LZTS1: variants seen among roughly 807,000 people sequenced by gnomAD.
LZTS1 encodes leucine zipper putative tumor suppressor 1.
In LZTS1, 31 loss-of-function variants were observed where a neutral mutation model predicts 45.8. The ratio of observed to expected loss-of-function variants is 0.68; its 90% CI spans 0.51 to 0.91. The LOEUF (loss-of-function observed/expected upper bound fraction) is 0.91, where lower values mean the gene tolerates loss of function less well. Among genes scored for constraint, LZTS1 ranks in the 40% least tolerant of loss-of-function variants. The probability of loss-of-function intolerance (pLI) is 0.00; values close to 1 mark genes in which losing one functional copy is unlikely to be tolerated. For synonymous variants in LZTS1, 359 were observed against 357.3 expected (o/e 1.00, Z -0.05); for missense variants, 821 against 788.9 (o/e 1.04, Z -0.49).
intron 1 of LZTS1, among the ~76,000 whole-genome samples, chr8:20,292,765 T>C (rs76534683): frequency 6.6e-6 from 1 of 152,070 alleles, no homozygotes; most frequent in African/African-American, 2.4e-5. Context: ...TGCTGGCTCT[T>C]GAGTCCTCAT....
intron 1 of LZTS1, among the ~76,000 whole-genome samples, chr8:20,274,105 T>C (rs1346327315): frequency 2.6e-5 from 4 of 152,172 alleles, no homozygotes; most frequent in Non-Finnish European, 4.4e-5. Context: ...CCCTTCTGCG[T>C]GTTCTTACAG....
chr8:20,277,882 G>A (rs1186523076), intron 1 of LZTS1, among the ~76,000 whole-genome samples: 2 of 152,202 alleles, frequency 1.3e-5, no homozygotes, highest in Non-Finnish European at 2.9e-5. Context: ...CCTGGGACTG[G>A]AGGGAAGGCT....
intron 1 of LZTS1, among the ~76,000 whole-genome samples, chr8:20,295,791 A>T (rs533613678): frequency 6.6e-6 from 1 of 152,224 alleles, no homozygotes; most frequent in African/African-American, 2.4e-5. Flanking sequence ...GGGTGGGAAG[A>T]CACTCAGTAG....
In LZTS1 at chr8:20,253,593, G is replaced by C. The variant is rs1234259098; in HGVS notation, c.346-8C>G. 1.4e-6 allele frequency: 2 copies of C among 1,443,610 alleles called. No homozygotes were observed. Among genetic ancestry groups the C allele is most frequent in the South Asian group, 2.9e-5 (2 of 69,104 alleles). 89.4% of individuals were successfully genotyped at this position (1,443,610 alleles called of 1,614,324 possible). ...TGCACCCTTCTCGGAGCCCTGTAGA[G>C]GAAAAGGACCGCGGTGACTCATGCC... On this transcript the variant is annotated splice_polypyrimidine_tract_variant and splice_region_variant and intron_variant, in intron 2 of 3. Coordinates refer to ENST00000381569, the MANE Select transcript of LZTS1 (RefSeq NM_021020.5).
chr8:20,262,499 AC>A (rs1340248596), intron 1 of LZTS1, among the ~76,000 whole-genome samples: 2 of 152,106 alleles, frequency 1.3e-5, no homozygotes, highest in South Asian at 2.1e-4. Context: ...TGTGTCTACT[AC>A]TTTAGATGGA....
intron 1 of LZTS1, among the ~76,000 whole-genome samples, chr8:20,278,210 T>C (rs7006020): frequency 0.056 from 8,442 of 152,072 alleles, 791 homozygotes; most frequent in African/African-American, 0.19. Context: ...ATCTCAGCAG[T>C]TGGGTGTGTG....
chr8:20,282,018 C>T (rs540376784), intron 1 of LZTS1, among the ~76,000 whole-genome samples: 2 of 152,300 alleles, frequency 1.3e-5, no homozygotes, highest in East Asian at 1.9e-4. Context: ...TCCGTTCTCT[C>T]TGATGTTAGG....
Position 20,249,732 on chromosome 8 carries a change from G to A in LZTS1, c.1781C>T (p.Thr594Ile). 6.2e-7 allele frequency: 1 copy of A among 1,603,534 alleles called. No homozygotes were observed. The highest frequency in any genetic ancestry group is 8.5e-7 in the Non-Finnish European group (1 of 1,176,272). ...ADIPYEDIIATEI is the reference protein window; with the variant it reads ...ADIPYEDIIAIEI ...TTCCCAGGCAGCCCCTCAGATCTCAGTGGCTATGATGTCCTCGTAGGGGAT... is the reference window on the plus strand; with the variant it reads ...TTCCCAGGCAGCCCCTCAGATCTCAATGGCTATGATGTCCTCGTAGGGGAT... The change falls in exon 4 of 4, where the codon ACT becomes ATT. Residue 594 changes from threonine to isoleucine, a missense_variant. Thr to Ile is a moderately conservative substitution (Grantham distance 89, BLOSUM62 -1). Transcript: ENST00000381569.
Position 20,249,412 on chromosome 8 carries a change from A to C in LZTS1, c.*310T>G. The C allele has an allele frequency of 6.7e-6, 2 of 298,934 alleles. No homozygotes were observed. Among genetic ancestry groups the C allele is most frequent in the Middle Eastern group, 9.5e-4 (1 of 1,050 alleles). 18.5% of individuals were successfully genotyped at this position (298,934 alleles called of 1,614,324 possible). On this transcript the variant is annotated 3_prime_UTR_variant, in exon 4 of 4. Transcript: ENST00000381569. ...TGGCCACCTTCCCTGGAGGAGGGGG[A>C]GAGGATATCTATTTCGAACAAAGGC...
intron 1 of LZTS1, among the ~76,000 whole-genome samples, chr8:20,281,466 G>A (rs189601955): frequency 4.3e-4 from 65 of 152,196 alleles, no homozygotes; most frequent in African/African-American, 4.1e-4. Flanking sequence ...TCAGCTACTC[G>A]GGAGGCCGAG....
chr8:20,249,817 G>C lies in LZTS1; in HGVS notation c.1696C>G (p.Gln566Glu). 6.2e-7 allele frequency: 1 copy of C among 1,614,176 alleles called. No individual in the cohort carries two copies. Reference sequence around the variant, plus strand: ...CCGGCGCTGTCCCCACGTGCCAGCTGCTGCAGGGCCTTCTCCAGGCGCTGG... The same window carrying C: ...CCGGCGCTGTCCCCACGTGCCAGCTCCTGCAGGGCCTTCTCCAGGCGCTGG... ...RNQRLEKALQ[Q>E]LARGDSAGEP... Residue 566 changes from glutamine (Q) to glutamate (E), a missense_variant, in exon 4 of 4, where the codon CAG becomes GAG. Physicochemically the swap from Gln to Glu is conservative, Grantham distance 29. Transcript: ENST00000381569.
chr8:20,266,491 G>A (rs1408209208), intron 1 of LZTS1, among the ~76,000 whole-genome samples: 1 of 152,052 alleles, frequency 6.6e-6, no homozygotes, highest in African/African-American at 2.4e-5. Flanking sequence ...CCCAAATCTG[G>A]TTTTCACTCA....
intron 1 of LZTS1, among the ~76,000 whole-genome samples, chr8:20,285,360 T>C (rs1420859800): frequency 4.6e-5 from 7 of 152,154 alleles, no homozygotes; most frequent in Non-Finnish European, 8.8e-5. Context: ...TGAGCCCCAC[T>C]ATGTCTCTGG....
At chr8:20,264,256 G>T (rs1158803022) in intron 1 of LZTS1, among the ~76,000 whole-genome samples, 1 of 152,032 alleles carries the variant, frequency 6.6e-6, no homozygotes, top group South Asian at 2.1e-4. Context: ...CCATTTACCT[G>T]CTGTGTAATA....
At chr8:20,270,032 C>T (rs748857093) in intron 1 of LZTS1, among the ~76,000 whole-genome samples, 1 of 152,258 alleles carries the variant, frequency 6.6e-6, no homozygotes, top group African/African-American at 2.4e-5. Context: ...TCCATCTATG[C>T]CTGAGGCCCT....
At chr8:20,294,660 TC>T (rs34066605) in intron 1 of LZTS1, among the ~76,000 whole-genome samples, 2 of 151,940 alleles carry the variant, frequency 1.3e-5, no homozygotes, top group African/African-American at 4.8e-5. Flanking sequence ...CCCTCCCTCC[TC>T]CCCTTGCACT....
intron 1 of LZTS1, among the ~76,000 whole-genome samples, chr8:20,271,288 G>A (rs1800470160): frequency 6.6e-6 from 1 of 152,162 alleles, no homozygotes; most frequent in African/African-American, 2.4e-5. Flanking sequence ...TAGCCCAGGA[G>A]CCGCTGAGCC....
intron 1 of LZTS1, among the ~76,000 whole-genome samples, chr8:20,284,615 C>A (rs1301805155): frequency 6.6e-6 from 1 of 152,084 alleles, no homozygotes; most frequent in Non-Finnish European, 1.5e-5. Context: ...CCGTGGAGAC[C>A]TGTAGACCTG....
At chr8:20,251,149 A>ATATATATATAT (rs1563851089) in intron 3 of LZTS1, among the ~76,000 whole-genome samples, 1 of 100,228 alleles carries the variant, frequency 1.0e-5, no homozygotes, top group African/African-American at 3.5e-5. Context: ...ATATATATAT[A>ATATATATATAT]AAATATAAAG....
Sources: gnomAD v4.1 joint callset for allele counts (sites outside exome capture counted in the v4.1 genomes callset) on GRCh38, gnomAD v4.1.1 for gene constraint, MANE v1.5 for transcripts, NCBI Gene and HGNC (gene_info 2026-07-23, HGNC 2026-07-21) for gene names.